Variants in ACADM observed in about 807,000 individuals in gnomAD.
The protein encoded by ACADM is medium-chain specific acyl-CoA dehydrogenase, mitochondrial.
Under a neutral mutation model 58.9 loss-of-function variants are expected in ACADM, and 49 were observed. The ratio of observed to expected loss-of-function variants is 0.83; its 90% confidence interval spans 0.66 to 1.06. The LOEUF (loss-of-function observed/expected upper bound fraction) is 1.06. Among genes scored for constraint, ACADM ranks in the 50% least tolerant of loss-of-function variants. ACADM has a pLI of 0.00. For synonymous variants in ACADM, 160 were observed against 157.7 expected, an observed-to-expected ratio of 1.01 and a Z score of -0.11; for missense variants, 496 against 507.0, an observed-to-expected ratio of 0.98 and a Z score of 0.21.
chr1:75,734,523 A>G, intron 5 of ACADM: 1 of 409,036 alleles, frequency 2.4e-6, no homozygotes. Flanking sequence ...CACATATTCT[A>G]AACATAATTT....
At chr1:75,751,872 C>A (rs1165683081) in intron 10 of ACADM, among the ~76,000 whole-genome samples, 1 of 152,030 alleles carries the variant, frequency 6.6e-6, no homozygotes, top group Non-Finnish European at 1.5e-5. Flanking sequence ...TATAAAGAGT[C>A]GTGTCTTCCA....
At chr1:75,734,970 A>C (rs1647216598) in intron 6 of ACADM, 99 bp downstream of exon 6, 1 of 918,476 alleles carries the variant, frequency 1.1e-6, no homozygotes, top group African/African-American at 1.7e-5. Flanking sequence ...GATATTTAGC[A>C]TTGAAACAAA....
At chr1:75,733,256 C>T in intron 4 of ACADM, 3 of 1,470,690 alleles carry the variant, frequency 2.0e-6, no homozygotes, top group Non-Finnish European at 2.7e-6. Flanking sequence ...TCCTCAGACC[C>T]AGTTTTAGAG....
intron 8 of ACADM, among the ~76,000 whole-genome samples, chr1:75,749,026 A>G (rs1445992408): frequency 6.6e-6 from 1 of 152,244 alleles, no homozygotes; most frequent in African/African-American, 2.4e-5. Flanking sequence ...GATAGCTTTC[A>G]AACATATAAT....
chr1:75,762,704 A>T lies in ACADM; in HGVS notation c.1207A>T (p.Thr403Ser), dbSNP rs1462472677. ...ATTTTTCTTGCAGATTTATGAAGGT[A>T]CTTCACAAATTCAAAGACTTATTGT... is the stretch of plus-strand genomic sequence containing the variant. Reference protein sequence around the residue: ...DAKIYQIYEGTSQIQRLIVAR... With the variant: ...DAKIYQIYEGSSQIQRLIVAR... The change falls in exon 12 of 12, where the codon ACT becomes TCT. Residue 403 changes from threonine (T) to serine (S), a missense_variant. Thr to Ser is a moderately conservative substitution (Grantham distance 58). Coordinates refer to ENST00000370841, the MANE Select transcript of ACADM (RefSeq NM_000016.6). 2 of 1,603,888 alleles carry T rather than the reference A, an allele frequency of 1.2e-6. No homozygotes were observed. The highest frequency in any genetic ancestry group is 1.7e-6 in the Non-Finnish European group (2 of 1,171,068).
chr1:75,727,687 A>G (rs1168842091), intron 1 of ACADM, among the ~76,000 whole-genome samples: 2 of 152,126 alleles, frequency 1.3e-5, no homozygotes. Flanking sequence ...TAGAAGAGGG[A>G]TGGCAAACGT....
chr1:75,747,471 A>C (rs765171749), intron 8 of ACADM, among the ~76,000 whole-genome samples: 39 of 152,152 alleles, frequency 2.6e-4, no homozygotes, highest in Non-Finnish European at 1.0e-4. Flanking sequence ...AAACAAATGG[A>C]TATTTACAAA....
chr1:75,733,716 A>G (rs1464888437), intron 5 of ACADM, 88 bp downstream of exon 5: 25 of 1,130,612 alleles, frequency 2.2e-5, no homozygotes, highest in Non-Finnish European at 3.2e-5. Context: ...AGAAGAAAAA[A>G]AAAGGAAAGT....
rs1553123252 is a variant in ACADM at position 75,734,772 on chromosome 1, T to A, written c.388-19T>A. 3.2e-6 allele frequency: 5 copies of A among 1,580,640 alleles called. No homozygotes were observed. Among genetic ancestry groups the A allele is most frequent in the Non-Finnish European group, 4.3e-6 (5 of 1,150,424 alleles). On this transcript the variant is annotated intron_variant, in intron 5 of 11. Coordinates refer to ENST00000370841, the MANE Select transcript of ACADM (RefSeq NM_000016.6). ...CAATAAAAATGACTTGATTTTTTAA[T>A]GTCAATTTTCTTCGGTAGCAAATGC...
At chr1:75,755,253 G>A (rs1040203107) in intron 10 of ACADM, among the ~76,000 whole-genome samples, 6 of 152,236 alleles carry the variant, frequency 3.9e-5, no homozygotes, top group African/African-American at 1.2e-4. Context: ...AAGCTTTGAA[G>A]AGAGTAGTGG....
In ACADM at chr1:75,750,491, A is replaced by C. The variant is rs1293309607; in HGVS notation, c.890A>C (p.Asp297Ala). The change falls in exon 10 of 12, where the codon GAT (aspartate) becomes GCT (alanine). Residue 297 changes from aspartate to alanine, a missense_variant. Asp to Ala is a moderately radical substitution (Grantham distance 126). Transcript: ENST00000370841. ...GTTGGATTAGCACAAAGAGCTTTGG[A>C]TGAAGCTACCAAGTATGCCCTGGAA... is the stretch of plus-strand genomic sequence containing the variant. ...GAVGLAQRALDEATKYALERK... is the reference protein window; with the variant it reads ...GAVGLAQRALAEATKYALERK... 2.5e-6 allele frequency: 4 copies of C among 1,612,610 alleles called. No homozygotes were observed. The highest frequency in any genetic ancestry group is 2.0e-4 in the Middle Eastern group (1 of 5,044).
intron 7 of ACADM, 26 bp from the exon 8 acceptor site, chr1:75,745,780 C>T (rs1647861166): frequency 1.3e-6 from 2 of 1,506,160 alleles, no homozygotes; most frequent in African/African-American, 2.8e-5. Flanking sequence ...ATATTATCAC[C>T]ATTATCCGGT....
At chr1:75,734,160 ATTTTT>A (rs1160368175) in intron 5 of ACADM, among the ~76,000 whole-genome samples, 1 of 84,216 alleles carries the variant, frequency 1.2e-5, no homozygotes, top group African/African-American at 5.0e-5. Context: ...TAATTTTTGT[ATTTTT>A]TTTTTTTTTT....
Position 75,761,221 on chromosome 1 carries a change from C to A in ACADM, c.1045C>A (p.Arg349=), listed in dbSNP as rs148207467. Residue 349 remains arginine (R), a synonymous_variant, in exon 11 of 12, where the codon CGA becomes AGA. Transcript: ENST00000370841. The part of the protein sequence containing the change: ...RAAWEVDSGR[R]NTYYASIAKA... ...AGCTTGGGAGGTTGATTCTGGTCGT[C>A]GAAATACCTATTATGCTTCTATTGC... The A allele has an allele frequency of 6.2e-7, 1 of 1,613,920 alleles. No individual in the cohort carries two copies. The highest frequency in any genetic ancestry group is 8.5e-7 in the Non-Finnish European group (1 of 1,180,014).
intron 8 of ACADM, among the ~76,000 whole-genome samples, chr1:75,747,769 T>C (rs1359242725): frequency 6.6e-6 from 1 of 152,194 alleles, no homozygotes; most frequent in East Asian, 1.9e-4. Flanking sequence ...GCAGCCTGGA[T>C]GACAGAGTGA....
At chr1:75,756,544 A>G (rs1402002427) in intron 10 of ACADM, among the ~76,000 whole-genome samples, 2 of 152,104 alleles carry the variant, frequency 1.3e-5, no homozygotes, top group Non-Finnish European at 2.9e-5. Context: ...ACAAACCACC[A>G]CTCAATGAAA....
At chr1:75,744,668 A>G in intron 7 of ACADM, 1 of 852,176 alleles carries the variant, frequency 1.2e-6, no homozygotes, top group South Asian at 1.3e-5. Context: ...GGTCCCTGGC[A>G]TAAGGAGACC....
chr1:75,732,780 AT>A lies in ACADM; in HGVS notation c.216+45del, dbSNP rs764637486. 43 of 1,606,420 alleles carry A rather than the reference AT, an allele frequency of 2.7e-5. No individual in the cohort carries two copies. In the Admixed American group the frequency reaches 7.0e-4, roughly 26 times the overall value. On this transcript the variant is annotated intron_variant, in intron 3 of 11. Coordinates refer to ENST00000370841, the MANE Select transcript of ACADM (RefSeq NM_000016.6). ...TTTTAAAGAGGGAAAAATCTTTTAC[AT>A]TTTTTACAAGATTATGTAATCAAAC...
intron 6 of ACADM, among the ~76,000 whole-genome samples, chr1:75,737,323 T>TG (rs1223157490): frequency 2.6e-5 from 3 of 115,274 alleles, no homozygotes; most frequent in African/African-American, 6.6e-5. Flanking sequence ...TATATATATA[T>TG]ATATGAAACC....
Sources: gnomAD v4.1 joint callset for allele counts (sites outside exome capture counted in the v4.1 genomes callset) on GRCh38, gnomAD v4.1.1 for gene constraint, MANE v1.5 for transcripts, NCBI Gene and HGNC (gene_info 2026-07-23, HGNC 2026-07-21) for gene names.